The following VPS13C variants were observed in gnomAD, a reference collection of about 807,000 sequenced individuals.
VPS13C encodes vacuolar protein sorting 13 homolog C, also known as intermembrane lipid transfer protein VPS13C.
A neutral mutation model predicts 456.8 loss-of-function variants in VPS13C; 358 were observed. The ratio of observed to expected loss-of-function variants is 0.78; its 90% confidence interval spans 0.72 to 0.86. The LOEUF (loss-of-function observed/expected upper bound fraction) is 0.86. Among genes scored for constraint, VPS13C ranks in the 40% least tolerant of loss-of-function variants. The probability of loss-of-function intolerance (pLI) is 0.00; values close to 1 mark genes in which losing one functional copy is unlikely to be tolerated. For missense variants in VPS13C, 4,818 were observed against 4,385.4 expected, an observed-to-expected ratio of 1.10 and a Z score of -2.79; for synonymous variants, 1,578 against 1,486.7, an observed-to-expected ratio of 1.06 and a Z score of -1.41.
rs1349341297 is a variant in VPS13C at position 61,871,579 on chromosome 15, G to T, written c.10624+410C>A. Among the ~76,000 whole-genome samples the T allele has an allele frequency of 2.7e-5, 4 of 150,774 alleles. No homozygotes were observed. In the East Asian group the frequency reaches 5.8e-4, roughly 22 times the overall value. On this transcript the variant is annotated intron_variant, in intron 79 of 84. Transcript: ENST00000644861. The stretch of plus-strand genomic sequence containing the variant: ...TGTTCTTTTTCAAGACTTTTTTTTT[G>T]GCTATCTGGGATCCCTGGAATGGCC...
chr15:62,009,618 CATT>C (rs2140501839), intron 13 of VPS13C, among the ~76,000 whole-genome samples: 1 of 152,152 alleles, frequency 6.6e-6, no homozygotes, highest in South Asian at 2.1e-4. Context: ...TTTCTTTTTA[CATT>C]GTTAACACAG....
intron 77 of VPS13C, 89 bp from the exon 78 acceptor site, chr15:61,873,498 A>G: frequency 7.8e-7 from 1 of 1,280,880 alleles, no homozygotes. Flanking sequence ...TGATTTTAAA[A>G]TAGGCAAACG....
intron 66 of VPS13C, among the ~76,000 whole-genome samples, chr15:61,903,988 T>C (rs1038838963): frequency 5.3e-5 from 8 of 152,036 alleles, no homozygotes; most frequent in East Asian, 1.9e-4. Context: ...GAAACCGAAA[T>C]AGATTAAAGA....
At chr15:62,033,396 C>A in intron 5 of VPS13C, 45 bp downstream of exon 5, 1 of 1,298,910 alleles carries the variant, frequency 7.7e-7, no homozygotes, top group Non-Finnish European at 1.1e-6. Flanking sequence ...TTAATTATAT[C>A]TAAAATATAG....
At chr15:61,959,092 T>C (rs1384762745) in intron 36 of VPS13C, among the ~76,000 whole-genome samples, 1 of 152,044 alleles carries the variant, frequency 6.6e-6, no homozygotes, top group Admixed American at 6.6e-5. Context: ...AAAATGGTTG[T>C]CTTCAATATA....
chr15:62,005,918 G>A (rs1001596115), intron 15 of VPS13C, among the ~76,000 whole-genome samples: 1 of 151,094 alleles, frequency 6.6e-6, no homozygotes, highest in Non-Finnish European at 1.5e-5. Context: ...TGGCCAGGCT[G>A]GTCTCCAATT....
intron 66 of VPS13C, among the ~76,000 whole-genome samples, chr15:61,895,457 A>C (rs751723372): frequency 1.3e-5 from 2 of 152,154 alleles, no homozygotes; most frequent in Non-Finnish European, 1.5e-5. Context: ...TTTTAGCTAG[A>C]CTACAAAAAA....
rs1239439099 is a variant in VPS13C at position 61,877,027 on chromosome 15, C to G, written c.10170G>C (p.Gln3390His). The G allele has an allele frequency of 6.2e-7, 1 of 1,608,876 alleles. No individual in the cohort carries two copies. Among genetic ancestry groups the G allele is most frequent in the East Asian group, 2.2e-5 (1 of 44,610 alleles). Residue 3390 changes from glutamine (Q) to histidine (H), a missense_variant, in exon 75 of 85, where the codon CAG (glutamine) becomes CAC (histidine). Gln to His is a conservative substitution (Grantham distance 24, BLOSUM62 0). This residue lies in a region of VPS13C where 4,552 missense variants were observed against 4,130.6 expected (regional missense o/e 1.10). Coordinates refer to ENST00000644861, the MANE Select transcript of VPS13C (RefSeq NM_020821.3). The stretch of plus-strand genomic sequence containing the variant: ...ATATAAGCTGATCTCTCTTGTAGAA[C>G]TGATATCGAATTTCATAATAAGCAA... Reference protein sequence around the residue: ...FKLAYYEIRYQFYKRDQLIWS... With the variant: ...FKLAYYEIRYHFYKRDQLIWS...
In VPS13C at chr15:61,911,839, C is replaced by T; in HGVS notation, c.8715+1G>A. 1 of 1,588,030 alleles carries T rather than the reference C, an allele frequency of 6.3e-7. No homozygotes were observed. The highest frequency in any genetic ancestry group is 8.6e-7 in the Non-Finnish European group (1 of 1,167,184). ...TCAGTTGTAACAAAGAAAAATGCTA[C>T]CTCTGAAGAAGCAATATAGTTCCAT... On this transcript the variant is annotated splice_donor_variant, in intron 63 of 84. Coordinates refer to ENST00000644861, the MANE Select transcript of VPS13C (RefSeq NM_020821.3). LOFTEE classifies it high-confidence loss of function.
chr15:61,901,311 G>C (rs1226187070), intron 66 of VPS13C, among the ~76,000 whole-genome samples: 2 of 152,084 alleles, frequency 1.3e-5, no homozygotes, highest in East Asian at 1.9e-4. Context: ...ACTACCATCA[G>C]AGTGAACAGG....
In VPS13C at chr15:61,959,309, G is replaced by A. The variant is rs973761101; in HGVS notation, c.4056+139C>T. The A allele has an allele frequency of 2.2e-5, 15 of 683,274 alleles. No homozygotes were observed. In the Admixed American group the frequency reaches 4.9e-4, roughly 23 times the overall value. The allele number at this position is 683,274 out of a possible 1,614,324, so 42.3% of individuals were successfully genotyped here. A position where few individuals can be genotyped will look rare whatever the true frequency, so the allele number is the denominator to read the frequency against. On this transcript the variant is annotated intron_variant, in intron 36 of 84. Transcript: ENST00000644861. ...ATTAAATTCTACTGAAAATAATAAT[G>A]ATCTTGTTGGACAAAGTCTCACTGA...
intron 48 of VPS13C, among the ~76,000 whole-genome samples, chr15:61,935,290 T>C (rs529510395): frequency 2.0e-5 from 3 of 152,192 alleles, no homozygotes; most frequent in Non-Finnish European, 2.9e-5. Context: ...GATTCTATAA[T>C]CTTTTTCAAC....
intron 35 of VPS13C, among the ~76,000 whole-genome samples, 195 bp downstream of exon 35, chr15:61,961,394 A>AACAC (rs66786972): frequency 0.018 from 2,353 of 132,608 alleles, 45 homozygotes; most frequent in South Asian, 0.054. Context: ...TCCAACTCAA[A>AACAC]ACACACACAC....
chr15:62,017,724 C>T (rs1480381413), intron 9 of VPS13C, among the ~76,000 whole-genome samples: 456 of 152,152 alleles, frequency 3.0e-3, no homozygotes, highest in Non-Finnish European at 5.2e-3. Context: ...TAGCGTGATG[C>T]CTCCAGCTTT....
chr15:61,958,617 G>T lies in VPS13C; in HGVS notation c.4156C>A (p.Gln1386Lys). The change falls in exon 37 of 85, where the codon CAA becomes AAA. Residue 1386 changes from glutamine to lysine, a missense_variant. Physicochemically the swap from Gln to Lys is moderately conservative, Grantham distance 53 (BLOSUM62 1). Coordinates refer to ENST00000644861, the MANE Select transcript of VPS13C (RefSeq NM_020821.3). ...EDLDKVKPRV[Q>K]ETGEIKEPLE... is the part of the protein sequence containing the mutation. The stretch of plus-strand genomic sequence containing the variant: ...ACTGTCAGCCTCTTACCTGTCTCTT[G>T]TACTCTTGGTTTCACTTTATCCAAG... 6.4e-7 allele frequency: 1 copy of T among 1,563,104 alleles called. No homozygotes were observed. The highest frequency in any genetic ancestry group is 8.7e-7 in the Non-Finnish European group (1 of 1,154,006).
chr15:61,859,598 A>C (rs961661625), intron 82 of VPS13C, among the ~76,000 whole-genome samples: 1 of 152,108 alleles, frequency 6.6e-6, no homozygotes, highest in Non-Finnish European at 1.5e-5. Flanking sequence ...CTCAAGACTC[A>C]GCTCAAGCAC....
chr15:61,967,294 T>TA lies in VPS13C; in HGVS notation c.2991+73dup, dbSNP rs1158998490. On this transcript the variant is annotated intron_variant, in intron 29 of 84. Transcript: ENST00000644861. ...TACACATCCAGAGCCATTAGTAACT[T>TA]ACTGTCATATTCTTCCTTCCAGAGA... The TA allele has an allele frequency of 3.1e-6, 4 of 1,279,876 alleles. No homozygotes were observed. In the African/African-American group the frequency reaches 6.1e-5, roughly 20 times the overall value. The allele number at this position is 1,279,876 out of a possible 1,614,324, so 79.3% of individuals were successfully genotyped here. A position where few individuals can be genotyped will look rare whatever the true frequency, so the allele number is the denominator to read the frequency against.
chr15:62,002,709 A>C (rs2046673499), intron 15 of VPS13C, among the ~76,000 whole-genome samples: 1 of 150,930 alleles, frequency 6.6e-6, no homozygotes, highest in Non-Finnish European at 1.5e-5. Flanking sequence ...AGGTGTAAGG[A>C]AGGGATCCAG....
chr15:62,054,694 C>G (rs1478641718), intron 1 of VPS13C, among the ~76,000 whole-genome samples: 1 of 151,380 alleles, frequency 6.6e-6, no homozygotes, highest in South Asian at 2.1e-4. Context: ...TGTAACAAAC[C>G]TGCACATTCT....
Sources: allele counts gnomAD v4.1 joint callset (sites outside exome capture counted in the v4.1 genomes callset), GRCh38; gene constraint gnomAD v4.1.1; regional missense constraint gnomAD v4.1.1; transcripts MANE v1.5; gene names NCBI Gene and HGNC (gene_info 2026-07-23, HGNC 2026-07-21).